The following RAVER2 variants were observed in gnomAD, a reference collection of about 807,000 sequenced individuals.
RAVER2 encodes ribonucleoprotein, PTB binding 2.
A neutral mutation model predicts 78.1 loss-of-function variants in RAVER2; 46 were observed. The ratio of observed to expected loss-of-function variants is 0.59; its 90% CI spans 0.46 to 0.75. RAVER2 has a LOEUF of 0.75. Among genes scored for constraint, RAVER2 ranks in the 30% least tolerant of loss-of-function variants. The pLI, the probability that RAVER2 is intolerant of heterozygous loss-of-function variation, is 0.00. For missense variants in RAVER2, 793 were observed against 837.5 expected (o/e 0.95, Z 0.66); for synonymous variants, 311 against 313.3 (o/e 0.99, Z 0.08).
chr1:64,778,340 C>G (rs968023052), intron 3 of RAVER2, among the ~76,000 whole-genome samples: 8 of 152,194 alleles, frequency 5.3e-5, no homozygotes, highest in African/African-American at 1.9e-4. Context: ...TCACCTCATT[C>G]CATCCATTCG....
chr1:64,755,735 T>TTTTG, intron 1 of RAVER2, among the ~76,000 whole-genome samples: 1 of 142,624 alleles, frequency 7.0e-6, no homozygotes, highest in African/African-American at 2.6e-5. Flanking sequence ...TTTTTTTTTT[T>TTTTG]TTTTTTTTTT....
intron 1 of RAVER2, among the ~76,000 whole-genome samples, chr1:64,751,425 G>A (rs540149022): frequency 1.6e-4 from 24 of 152,280 alleles, no homozygotes; most frequent in African/African-American, 4.8e-4. Flanking sequence ...ATTGCTCCTT[G>A]AATTAACAAG....
intron 1 of RAVER2, among the ~76,000 whole-genome samples, chr1:64,762,405 G>A (rs1652046782): frequency 6.8e-6 from 1 of 146,796 alleles, no homozygotes; most frequent in South Asian, 2.1e-4. Context: ...TTTTTTTAAT[G>A]AAAACTGATT....
chr1:64,796,566 A>G (rs980558661), intron 5 of RAVER2, among the ~76,000 whole-genome samples: 1 of 152,132 alleles, frequency 6.6e-6, no homozygotes, highest in Admixed American at 6.5e-5. Context: ...CATTGTTCAT[A>G]GTATTCCCTT....
intron 5 of RAVER2, among the ~76,000 whole-genome samples, chr1:64,798,961 T>C (rs1450394223): frequency 6.6e-6 from 1 of 152,186 alleles, no homozygotes; most frequent in Non-Finnish European, 1.5e-5. Context: ...CTCTTCTAGC[T>C]ATTTCAAAAT....
chr1:64,752,736 C>A (rs1651735235), intron 1 of RAVER2, among the ~76,000 whole-genome samples: 1 of 152,184 alleles, frequency 6.6e-6, no homozygotes, highest in Non-Finnish European at 1.5e-5. Flanking sequence ...TGGACCAAAG[C>A]CCATCAATAC....
At chr1:64,789,833 A>G (rs1652887756) in intron 5 of RAVER2, among the ~76,000 whole-genome samples, 1 of 152,152 alleles carries the variant, frequency 6.6e-6, no homozygotes, top group African/African-American at 2.4e-5. Flanking sequence ...CATTGTTATA[A>G]CCTATATTAA....
chr1:64,799,996 C>T (rs1046847310), intron 5 of RAVER2, among the ~76,000 whole-genome samples: 2 of 152,122 alleles, frequency 1.3e-5, no homozygotes, highest in African/African-American at 4.8e-5. Flanking sequence ...TTTTGACTTA[C>T]ATTTCCCTGA....
chr1:64,828,727 GT>G (rs1176605233), intron 11 of RAVER2, among the ~76,000 whole-genome samples: 1 of 151,328 alleles, frequency 6.6e-6, no homozygotes, highest in Non-Finnish European at 1.5e-5. Context: ...TAAGTGTATA[GT>G]TTAGTAATGT....
At chr1:64,754,088 C>T (rs1320804819) in intron 1 of RAVER2, among the ~76,000 whole-genome samples, 7 of 152,094 alleles carry the variant, frequency 4.6e-5, no homozygotes, top group African/African-American at 1.7e-4. Flanking sequence ...CATTGCCAGG[C>T]ACCATACTTA....
At chr1:64,762,049 A>C (rs1028320313) in intron 1 of RAVER2, among the ~76,000 whole-genome samples, 2 of 152,218 alleles carry the variant, frequency 1.3e-5, no homozygotes, top group Admixed American at 6.5e-5. Flanking sequence ...TAGGAGGTTG[A>C]TAATAATTAA....
chr1:64,793,978 G>T (rs373525756), intron 5 of RAVER2, among the ~76,000 whole-genome samples: 1 of 152,016 alleles, frequency 6.6e-6, no homozygotes, highest in East Asian at 1.9e-4. Context: ...CCAGTTCGAG[G>T]TCATTACAAA....
intron 11 of RAVER2, among the ~76,000 whole-genome samples, chr1:64,819,019 T>C (rs1342847465): frequency 1.3e-5 from 2 of 152,128 alleles, no homozygotes; most frequent in Non-Finnish European, 2.9e-5. Flanking sequence ...GTTAACTCCT[T>C]CTAGAACAAA....
intron 5 of RAVER2, among the ~76,000 whole-genome samples, chr1:64,796,606 G>A (rs1331552224): frequency 1.3e-5 from 2 of 152,054 alleles, no homozygotes; most frequent in Non-Finnish European, 1.5e-5. Flanking sequence ...AGGATCTATA[G>A]TGATGGCCTC....
chr1:64,821,219 G>A (rs1053554621), intron 11 of RAVER2, among the ~76,000 whole-genome samples: 21 of 152,122 alleles, frequency 1.4e-4, no homozygotes, highest in African/African-American at 5.1e-4. Context: ...TTTGAGAAGT[G>A]TCTGTTCATG....
chr1:64,800,632 G>A (rs866722503), intron 5 of RAVER2, among the ~76,000 whole-genome samples: 16 of 152,022 alleles, frequency 1.1e-4, no homozygotes, highest in South Asian at 2.1e-4. Context: ...GTTCTTTTCC[G>A]TGTACCAGTT....
chr1:64,833,135 C>A, exon 12 of RAVER2: 1 of 180,324 alleles, frequency 5.5e-6, no homozygotes, highest in Non-Finnish European at 1.2e-5. Context: ...CCCACCCCTT[C>A]CTCCCCCCAA....
intron 11 of RAVER2, among the ~76,000 whole-genome samples, chr1:64,830,242 T>C (rs1035435575): frequency 6.6e-6 from 1 of 152,250 alleles, no homozygotes; most frequent in Non-Finnish European, 1.5e-5. Flanking sequence ...TGTGGCCCAC[T>C]TTCAGGTCAG....
exon 4 of RAVER2, chr1:64,781,433 C>A (rs1557591938): frequency 6.2e-7 from 1 of 1,613,468 alleles, no homozygotes. Flanking sequence ...TTGAATATAG[C>A]ACTGCGGAGC....
Sources: allele counts gnomAD v4.1 joint callset (sites outside exome capture counted in the v4.1 genomes callset), GRCh38; gene constraint gnomAD v4.1.1; transcripts MANE v1.5; gene names NCBI Gene and HGNC (gene_info 2026-07-23, HGNC 2026-07-21).